The following AK8 variants were observed in gnomAD, a reference collection of about 807,000 sequenced individuals.
AK8 encodes ATP-AMP transphosphorylase 8.
In AK8, 44 loss-of-function variants were observed where a neutral mutation model predicts 54.6. That is an observed-to-expected ratio of 0.81 (90% CI 0.63 to 1.04). The LOEUF (loss-of-function observed/expected upper bound fraction) is 1.04, where lower values mean the gene tolerates loss of function less well. Among genes scored for constraint, AK8 ranks in the 50% least tolerant of loss-of-function variants. The probability of loss-of-function intolerance (pLI) is 0.00; values close to 1 mark genes in which losing one functional copy is unlikely to be tolerated. For synonymous variants in AK8, 239 were observed against 245.6 expected (o/e 0.97, Z 0.25); for missense variants, 555 against 613.6 (o/e 0.90, Z 1.01).
intron 2 of AK8, among the ~76,000 whole-genome samples, chr9:132,867,637 A>C (rs1843659186): frequency 6.6e-6 from 1 of 152,196 alleles, no homozygotes; most frequent in Non-Finnish European, 1.5e-5. Flanking sequence ...CTCTGGTGGC[A>C]GGCCCAGGCC....
intron 2 of AK8, among the ~76,000 whole-genome samples, chr9:132,871,684 C>A (rs999006027): frequency 1.3e-5 from 2 of 152,214 alleles, no homozygotes; most frequent in African/African-American, 2.4e-5. Context: ...AACAACAGAG[C>A]AGGTGCAGTG....
At chr9:132,765,292 C>CAAAAAAAAAAAAAAAAAAAA (rs61495439) in intron 11 of AK8, among the ~76,000 whole-genome samples, 8 of 62,806 alleles carry the variant, frequency 1.3e-4, no homozygotes, top group African/African-American at 4.7e-4. Flanking sequence ...GACTCCATTT[C>CAAAAAAAAAAAAAAAAAAAA]AAAAAAAAAA....
Position 132,788,244 on chromosome 9 carries a change from T to C in AK8, c.1121+4390A>G, listed in dbSNP as rs73659482. ...AAAAAGCTAACGCCTTCCAGCTGAGTTAGATTCCTTAAAGCAGGTTTCCTG... is the reference window on the plus strand; with the variant it reads ...AAAAAGCTAACGCCTTCCAGCTGAGCTAGATTCCTTAAAGCAGGTTTCCTG... On this transcript the variant is annotated intron_variant, in intron 11 of 12. Coordinates refer to ENST00000298545, the MANE Select transcript of AK8 (RefSeq NM_152572.3). Among the ~76,000 whole-genome samples the C allele has an allele frequency of 3.6e-3, 555 of 152,298 alleles. 6 individuals are homozygous for C. Among genetic ancestry groups the C allele is most frequent in the African/African-American group, 0.012 (517 of 41,568 alleles).
At chr9:132,821,474 C>G (rs1841605850) in intron 9 of AK8, among the ~76,000 whole-genome samples, 1 of 152,122 alleles carries the variant, frequency 6.6e-6, no homozygotes, top group Non-Finnish European at 1.5e-5. Context: ...GACTCAGGAA[C>G]ATTTTTTATT....
intron 11 of AK8, among the ~76,000 whole-genome samples, chr9:132,730,908 C>CGATCCT (rs1353191255): frequency 2.0e-5 from 3 of 152,180 alleles, no homozygotes; most frequent in Admixed American, 2.0e-4. Flanking sequence ...GGGCTGCCCC[C>CGATCCT]GATCCTGCAT....
chr9:132,865,844 T>G (rs754273003), intron 3 of AK8, among the ~76,000 whole-genome samples: 1 of 148,470 alleles, frequency 6.7e-6, no homozygotes, highest in Non-Finnish European at 1.5e-5. Flanking sequence ...AAATAAAAAA[T>G]AAAGGTAAAA....
intron 10 of AK8, among the ~76,000 whole-genome samples, chr9:132,804,565 AG>A (rs1840627389): frequency 6.6e-6 from 1 of 151,252 alleles, no homozygotes; most frequent in Non-Finnish European, 1.5e-5. Context: ...CTTCCCAGGG[AG>A]GGGGGTGGGA....
intron 4 of AK8, among the ~76,000 whole-genome samples, chr9:132,855,972 G>T (rs146910726): frequency 0.027 from 4,112 of 152,298 alleles, 99 homozygotes; most frequent in Middle Eastern, 0.088. Flanking sequence ...GATTGATTCA[G>T]AGTGTTGGCC....
intron 11 of AK8, among the ~76,000 whole-genome samples, chr9:132,740,091 T>C (rs1837299362): frequency 6.6e-6 from 1 of 152,196 alleles, no homozygotes; most frequent in Non-Finnish European, 1.5e-5. Flanking sequence ...GAAGTGCACA[T>C]TCAGACCTCA....
In AK8 at chr9:132,878,276, C is replaced by T; in HGVS notation, c.-21G>A. On this transcript the variant is annotated 5_prime_UTR_variant, in exon 1 of 13. Transcript: ENST00000298545. The surrounding 1 kb of genome is among the most constrained non-coding windows in gnomAD (Gnocchi z 4.7). The stretch of plus-strand genomic sequence containing the variant: ...TCCATGTAGCCGTCTCGGCTCGCCG[C>T]TCCCTAGTAACCGCGTCGCTAGGGC... 1.5e-6 allele frequency: 2 copies of T among 1,351,136 alleles called. No individual in the cohort carries two copies. The highest frequency in any genetic ancestry group is 2.8e-5 in the East Asian group (1 of 36,072). 83.7% of individuals were successfully genotyped at this position (1,351,136 alleles called of 1,614,324 possible).
chr9:132,847,082 C>T (rs926880718), intron 5 of AK8, among the ~76,000 whole-genome samples: 1 of 152,242 alleles, frequency 6.6e-6, no homozygotes, highest in African/African-American at 2.4e-5. Context: ...GGTCAGCAGG[C>T]CAGCTCCCGG....
chr9:132,753,246 G>A (rs1260508926), intron 11 of AK8, among the ~76,000 whole-genome samples: 1 of 152,210 alleles, frequency 6.6e-6, no homozygotes, highest in African/African-American at 2.4e-5. Context: ...TAAGCCAGCT[G>A]GTTCTGGGCT....
intron 11 of AK8, among the ~76,000 whole-genome samples, chr9:132,766,585 C>T (rs1175940189): frequency 6.6e-6 from 1 of 152,050 alleles, no homozygotes; most frequent in Non-Finnish European, 1.5e-5. Context: ...AAGCAATCTA[C>T]AGATTCAACA....
chr9:132,804,104 CAAAAAAAAAAAA>C (rs200556575), intron 10 of AK8, among the ~76,000 whole-genome samples: 4 of 93,268 alleles, frequency 4.3e-5, no homozygotes, highest in Admixed American at 2.2e-4. Flanking sequence ...GACTCCATCT[CAAAAAAAAAAAA>C]AAAAAAAAAA....
At chr9:132,740,666 C>T (rs967774460) in intron 11 of AK8, among the ~76,000 whole-genome samples, 2 of 152,134 alleles carry the variant, frequency 1.3e-5, no homozygotes, top group African/African-American at 4.8e-5. Flanking sequence ...GGATGATGAA[C>T]AGAGACCTGT....
At position 132,785,316 on chromosome 9, in the gene AK8, C is replaced by A. The variant is rs189647011; in HGVS notation, c.1121+7318G>T. Reference sequence around the variant, plus strand: ...ACAGGGTTCCACCATATTGTCCAGGCAGGTCTTGAACTCTGGACCTCGTGA... The same window carrying A: ...ACAGGGTTCCACCATATTGTCCAGGAAGGTCTTGAACTCTGGACCTCGTGA... On this transcript the variant is annotated intron_variant, in intron 11 of 12. Transcript: ENST00000298545. 2.4e-3 allele frequency among the ~76,000 whole-genome samples: 369 copies of A among 152,218 alleles called. 1 individual carries two copies. The highest frequency in any genetic ancestry group is 3.9e-3 in the Non-Finnish European group (262 of 68,016).
chr9:132,727,634 C>T, intron 11 of AK8, 100 bp from the exon 12 acceptor site: 1 of 1,177,698 alleles, frequency 8.5e-7, no homozygotes, highest in Non-Finnish European at 1.2e-6. Context: ...GACTGCTCCT[C>T]CCAGGGCTGG....
chr9:132,803,652 C>T lies in AK8; in HGVS notation c.980-10877G>A, dbSNP rs1163152556. ...AGCTCTGAGGGGGCGCATGGCTTGC[C>T]CAGGAGCACAGCTGGGAGGAAGCAG... is the stretch of plus-strand genomic sequence containing the variant. On this transcript the variant is annotated intron_variant, in intron 10 of 12. Transcript: ENST00000298545. This position sits in a 1 kb window ranked among gnomAD's most constrained non-coding sequence, Gnocchi z 4.4. 2.0e-5 allele frequency among the ~76,000 whole-genome samples: 3 copies of T among 152,090 alleles called. No individual in the cohort carries two copies. Among genetic ancestry groups the T allele is most frequent in the Non-Finnish European group, 4.4e-5 (3 of 68,028 alleles).
At chr9:132,850,069 TTTG>T (rs1842911286) in intron 5 of AK8, among the ~76,000 whole-genome samples, 1 of 148,946 alleles carries the variant, frequency 6.7e-6, no homozygotes. Flanking sequence ...TTTTTTTTTT[TTTG>T]AGACAGGGTC....
Sources: allele counts gnomAD v4.1 joint callset (sites outside exome capture counted in the v4.1 genomes callset), GRCh38; gene constraint gnomAD v4.1.1; non-coding constraint Gnocchi (gnomAD v3.1); transcripts MANE v1.5; gene names NCBI Gene and HGNC (gene_info 2026-07-23, HGNC 2026-07-21).